MIPEP: variants seen among roughly 807,000 people sequenced by gnomAD.
The protein encoded by MIPEP is mitochondrial intermediate peptidase.
A neutral mutation model predicts 90.3 loss-of-function variants in MIPEP; 79 were observed. That is an observed-to-expected ratio of 0.87 (90% CI 0.73 to 1.05). The LOEUF (loss-of-function observed/expected upper bound fraction) is 1.05, where lower values mean the gene tolerates loss of function less well. Among genes scored for constraint, MIPEP ranks in the 50% least tolerant of loss-of-function variants. The pLI, the probability that MIPEP is intolerant of heterozygous loss-of-function variation, is 0.00. For synonymous variants in MIPEP, 334 were observed against 315.8 expected (o/e 1.06, Z -0.61); for missense variants, 940 against 905.6 (o/e 1.04, Z -0.49).
At chr13:23,767,514 C>T (rs1054736972) in intron 16 of MIPEP, among the ~76,000 whole-genome samples, 2 of 151,484 alleles carry the variant, frequency 1.3e-5, no homozygotes, top group South Asian at 2.1e-4. Context: ...TGCAGTGGCA[C>T]GATCTCGGCT....
At chr13:23,793,716 T>C (rs1952925019) in intron 16 of MIPEP, among the ~76,000 whole-genome samples, 1 of 151,726 alleles carries the variant, frequency 6.6e-6, no homozygotes, top group Non-Finnish European at 1.5e-5. Flanking sequence ...ATGACCCATC[T>C]TAAGGGAAGG....
chr13:23,742,962 C>T (rs945712169), intron 18 of MIPEP, among the ~76,000 whole-genome samples: 1 of 152,102 alleles, frequency 6.6e-6, no homozygotes, highest in East Asian at 1.9e-4. Context: ...AATGGTATGG[C>T]ATGTATATTT....
intron 9 of MIPEP, among the ~76,000 whole-genome samples, chr13:23,861,788 T>C (rs1253029862): frequency 1.3e-5 from 2 of 152,228 alleles, no homozygotes; most frequent in Non-Finnish European, 2.9e-5. Flanking sequence ...AATACTTGTC[T>C]ATACTCTTGG....
intron 16 of MIPEP, among the ~76,000 whole-genome samples, chr13:23,787,526 A>G (rs1034250635): frequency 6.6e-5 from 10 of 152,104 alleles, no homozygotes; most frequent in Admixed American, 5.9e-4. Flanking sequence ...TTCATATCCT[A>G]AAGATCTCCC....
chr13:23,797,783 G>C (rs904683800), intron 16 of MIPEP, among the ~76,000 whole-genome samples: 2 of 152,152 alleles, frequency 1.3e-5, no homozygotes, highest in Non-Finnish European at 2.9e-5. Context: ...TTAAAAACGA[G>C]GATCCCAATA....
At chr13:23,785,911 G>T (rs1387520073) in intron 16 of MIPEP, among the ~76,000 whole-genome samples, 2 of 152,066 alleles carry the variant, frequency 1.3e-5, no homozygotes. Flanking sequence ...GTGGGGAAAA[G>T]ACGAATTATA....
chr13:23,864,820 G>GAAAA (rs1009750485), intron 7 of MIPEP, among the ~76,000 whole-genome samples: 13 of 150,122 alleles, frequency 8.7e-5, no homozygotes, highest in African/African-American at 3.2e-4. Flanking sequence ...ATATGTGTAA[G>GAAAA]AAAAAAAAGT....
rs116708536 is a variant in MIPEP at position 23,797,055 on chromosome 13, G to A, written c.1848+8895C>T. Among the ~76,000 whole-genome samples the A allele has an allele frequency of 5.3e-3, 813 of 152,292 alleles. 11 individuals carry two copies. The highest frequency in any genetic ancestry group is 0.018 in the African/African-American group (751 of 41,568). ...GCATTATATTGTTGTGATTATAGCAGTAGAAACTGAAAAGAAAATGTTAAA... is the reference window on the plus strand; with the variant it reads ...GCATTATATTGTTGTGATTATAGCAATAGAAACTGAAAAGAAAATGTTAAA... On this transcript the variant is annotated intron_variant, in intron 16 of 18. Coordinates refer to ENST00000382172, the MANE Select transcript of MIPEP (RefSeq NM_005932.4).
chr13:23,833,942 C>T (rs189487959), intron 14 of MIPEP, among the ~76,000 whole-genome samples: 1 of 152,160 alleles, frequency 6.6e-6, no homozygotes, highest in Admixed American at 6.5e-5. Flanking sequence ...ATGCTCCCCA[C>T]GTCTCCCACA....
chr13:23,831,387 G>GGGGGGGGGGGGGGGGGGGGGGGGGGT (rs1868750638), intron 14 of MIPEP, among the ~76,000 whole-genome samples: 1 of 140,230 alleles, frequency 7.1e-6, no homozygotes, highest in Non-Finnish European at 1.6e-5. Context: ...CCATGGCGGG[G>GGGGGGGGGGGGGGGGGGGGGGGGGGT]GGGGGATGTG....
At chr13:23,785,383 G>T (rs766555372) in intron 16 of MIPEP, among the ~76,000 whole-genome samples, 1 of 149,386 alleles carries the variant, frequency 6.7e-6, no homozygotes, top group African/African-American at 2.5e-5. Context: ...GAAAACTATC[G>T]CAAGAACAAA....
chr13:23,775,633 C>G (rs571647274), intron 16 of MIPEP, among the ~76,000 whole-genome samples: 1 of 152,230 alleles, frequency 6.6e-6, no homozygotes. Context: ...AAGTTACATT[C>G]ATTAAACAAA....
rs932211396 is a variant in MIPEP, at chr13:23,798,158, A to T, written c.1848+7792T>A. 2.0e-5 allele frequency among the ~76,000 whole-genome samples: 3 copies of T among 152,256 alleles called. No individual in the cohort carries two copies. In the South Asian group the frequency reaches 6.2e-4, roughly 31 times the overall value. The stretch of plus-strand genomic sequence containing the variant: ...ATCACAATATAAATACAAAAAGCAA[A>T]TTATTGTACAACTATTTTAATTGGG... On this transcript the variant is annotated intron_variant, in intron 16 of 18. Coordinates refer to ENST00000382172, the MANE Select transcript of MIPEP (RefSeq NM_005932.4).
chr13:23,811,421 T>G (rs1953169629), intron 14 of MIPEP, among the ~76,000 whole-genome samples: 1 of 152,148 alleles, frequency 6.6e-6, no homozygotes. Flanking sequence ...ATAAGAAAAA[T>G]TTGGTTTATA....
chr13:23,763,802 G>A (rs1003784485), intron 16 of MIPEP, among the ~76,000 whole-genome samples: 2 of 152,102 alleles, frequency 1.3e-5, no homozygotes, highest in Non-Finnish European at 2.9e-5. Context: ...TTACAGGTTT[G>A]GGTTCAGGAC....
rs548504312 is a variant in MIPEP, at chr13:23,858,128, A to T, written c.1106+732T>A. On this transcript the variant is annotated intron_variant, in intron 10 of 18. Coordinates refer to ENST00000382172, the MANE Select transcript of MIPEP (RefSeq NM_005932.4). ...GAGTAGGATTCTGAGATTTTTTTTT[A>T]AAAATTCCTATTGGGTATATAAAGT... Among the ~76,000 whole-genome samples, 19 of 152,162 alleles carry T rather than the reference A, an allele frequency of 1.2e-4. No homozygotes were observed. The South Asian group carries it at 2.3e-3, about 18-fold the overall frequency.
At chr13:23,864,503 C>CG (rs545381484) in intron 7 of MIPEP, among the ~76,000 whole-genome samples, 52 of 151,828 alleles carry the variant, frequency 3.4e-4, no homozygotes, top group African/African-American at 9.9e-4. Context: ...AGGCTGAGGG[C>CG]AGGGGGTGGA....
At chr13:23,875,728 T>C (rs1048289157) in intron 4 of MIPEP, among the ~76,000 whole-genome samples, 2 of 152,162 alleles carry the variant, frequency 1.3e-5, no homozygotes, top group African/African-American at 4.8e-5. Flanking sequence ...ATAGGTCTAT[T>C]ATGTAACAAA....
At chr13:23,735,089 T>C (rs914917649) in intron 18 of MIPEP, among the ~76,000 whole-genome samples, 1 of 152,120 alleles carries the variant, frequency 6.6e-6, no homozygotes, top group African/African-American at 2.4e-5. Context: ...CATGGTGCCC[T>C]GCATTTGCAT....
Sources: allele counts gnomAD v4.1 joint callset (sites outside exome capture counted in the v4.1 genomes callset), GRCh38; gene constraint gnomAD v4.1.1; transcripts MANE v1.5; gene names NCBI Gene and HGNC (gene_info 2026-07-23, HGNC 2026-07-21).